The following ZNF418 variants were observed in gnomAD, a reference collection of about 807,000 sequenced individuals.
ZNF418 encodes zinc finger protein 418.
Under a neutral mutation model 32.0 loss-of-function variants are expected in ZNF418, and 32 were observed. The observed-to-expected ratio is 1.00, with a 90% CI of 0.75 to 1.34. The LOEUF (loss-of-function observed/expected upper bound fraction) is 1.34. Ranked by LOEUF, ZNF418 falls within the 40% of genes most tolerant of loss-of-function variation. The pLI is 0.00. For synonymous variants in ZNF418, 276 were observed against 270.7 expected (o/e 1.02, Z -0.19); for missense variants, 804 against 812.5 (o/e 0.99, Z 0.13).
intron 2 of ZNF418, 94 bp downstream of exon 2, chr19:57,933,723 A>G (rs2072573903): frequency 1.3e-6 from 2 of 1,548,396 alleles, no homozygotes; most frequent in East Asian, 4.5e-5. Flanking sequence ...TCCCGCTCAA[A>G]AAAAAAAGGA....
At chr19:57,933,768 G>A in intron 2 of ZNF418, 49 bp downstream of exon 2, 2 of 1,606,198 alleles carry the variant, frequency 1.2e-6, no homozygotes, top group East Asian at 2.2e-5. Flanking sequence ...TGTGAATCTT[G>A]AATCCAGCCA....
rs971290442 is a variant in ZNF418 at position 57,927,889 on chromosome 19, C to G, written c.292G>C (p.Ala98Pro). 6.2e-7 allele frequency: 1 copy of G among 1,613,964 alleles called. No individual in the cohort carries two copies. The highest frequency in any genetic ancestry group is 8.5e-7 in the Non-Finnish European group (1 of 1,180,036). ...TTGTGATGTGTCCCCTGATGATCTGCCAAGTGCAAAATGTCTCCCAAGATC... is the reference window on the plus strand; with the variant it reads ...TTGTGATGTGTCCCCTGATGATCTGGCAAGTGCAAAATGTCTCCCAAGATC... ...GAILGDILHL[A>P]DHQGTHHKQK... The change falls in exon 4 of 6, where the codon GCA becomes CCA. Residue 98 changes from alanine to proline, a missense_variant. This residue lies in a region of ZNF418 where 307 missense variants were observed against 304.9 expected (regional missense o/e 1.01). Transcript: ENST00000396147.
chr19:57,926,382 A>G lies in ZNF418; in HGVS notation c.1799T>C (p.Phe600Ser), dbSNP rs1255406073. The stretch of plus-strand genomic sequence containing the variant: ...TTTAAAATGCGCAGACCTTCGAGTA[A>G]ATGTTTTTCCACATTCCCTGCATTC... ...PYECRECGKT[F>S]TRRSAHFKHQ... Residue 600 changes from phenylalanine to serine, a missense_variant, in exon 4 of 6, where the codon TTT becomes TCT. By Grantham distance (155) the Phe-to-Ser change is radical (BLOSUM62 -2). Around this residue, in one of 3 missense-constraint regions of ZNF418, gnomAD observed 475 missense variants for 458.6 expected, o/e 1.04. Transcript: ENST00000396147. 2 of 1,612,656 alleles carry G rather than the reference A, an allele frequency of 1.2e-6. No individual in the cohort carries two copies. Among genetic ancestry groups the G allele is most frequent in the African/African-American group, 2.7e-5 (2 of 74,848 alleles).
chr19:57,926,136 T>C lies in ZNF418; in HGVS notation c.*14A>G. ...TGCACAGAGGTTTAGCTAAAGAATT[T>C]CCCAAATTTCTTTTCACTTGTAAGG... On this transcript the variant is annotated 3_prime_UTR_variant, in exon 4 of 6. Transcript: ENST00000396147. The C allele has an allele frequency of 6.3e-7, 1 of 1,596,854 alleles. No individual in the cohort carries two copies. The highest frequency in any genetic ancestry group is 8.5e-7 in the Non-Finnish European group (1 of 1,170,568).
intron 3 of ZNF418, among the ~76,000 whole-genome samples, chr19:57,929,541 T>A (rs2072393135): frequency 6.6e-6 from 1 of 152,224 alleles, no homozygotes; most frequent in Admixed American, 6.5e-5. Context: ...CCTGATTAAA[T>A]TGAAATGCTG....
chr19:57,930,509 C>A lies in ZNF418; in HGVS notation c.52G>T (p.Glu18Ter). The stretch of plus-strand genomic sequence containing the variant: ...TGAACCTCACTAAGGAGACTCCACT[C>A]CTCCTGGGAAAAGTTCACAGCCACA... The part of the protein sequence containing the change: ...EDVAVNFSQE[E>*]WSLLSEVQRC... Residue 18 changes from glutamate to a stop codon, truncating the protein, a stop_gained, in exon 3 of 6, where the codon GAG becomes TAG. Transcript: ENST00000396147. LOFTEE classifies it high-confidence loss of function. 5 of 1,614,110 alleles carry A rather than the reference C, an allele frequency of 3.1e-6. No homozygotes were observed. The highest frequency in any genetic ancestry group is 4.2e-6 in the Non-Finnish European group (5 of 1,180,018).
chr19:57,926,643 C>G lies in ZNF418; in HGVS notation c.1538G>C (p.Ser513Thr). ...VHTGEKPFECSECGKSFPQSC... is the reference protein window; with the variant it reads ...VHTGEKPFECTECGKSFPQSC... Reference sequence around the variant, plus strand: ...TTGAGGAAATGACTTCCCACATTCACTACACTCAAACGGTTTTTCTCCAGT... The same window carrying G: ...TTGAGGAAATGACTTCCCACATTCAGTACACTCAAACGGTTTTTCTCCAGT... The change falls in exon 4 of 6, where the codon AGT becomes ACT. Residue 513 changes from serine (S) to threonine (T), a missense_variant. Ser to Thr is a moderately conservative substitution (Grantham distance 58, BLOSUM62 1). Around this residue, in one of 3 missense-constraint regions of ZNF418, gnomAD observed 475 missense variants for 458.6 expected, o/e 1.04. Transcript: ENST00000396147. The G allele has an allele frequency of 6.2e-7, 1 of 1,614,160 alleles. No individual in the cohort carries two copies. The highest frequency in any genetic ancestry group is 8.5e-7 in the Non-Finnish European group (1 of 1,180,036).
At chr19:57,935,120 G>A (rs2072643909) in intron 1 of ZNF418, 41 bp downstream of exon 1, 2 of 1,298,382 alleles carry the variant, frequency 1.5e-6, no homozygotes, top group Middle Eastern at 2.1e-4. Flanking sequence ...CAGGATTCGG[G>A]TTAGGATGAG....
Position 57,926,618 on chromosome 19 carries a change from T to C in ZNF418, c.1563A>G (p.Gln521=). 1 of 1,614,072 alleles carries C rather than the reference T, an allele frequency of 6.2e-7. No homozygotes were observed. The highest frequency in any genetic ancestry group is 8.5e-7 in the Non-Finnish European group (1 of 1,179,994). The change falls in exon 4 of 6, where the codon CAA becomes CAG. Residue 521 remains glutamine, a synonymous_variant. Coordinates refer to ENST00000396147, the MANE Select transcript of ZNF418 (RefSeq NM_133460.3). ...ECSECGKSFP[Q]SCSLLRHRRV... ...TCCGATGTCGAAGGAGGGAACAGCT[T>C]TGAGGAAATGACTTCCCACATTCAC...
rs182518600 is a variant in ZNF418 at position 57,923,668 on chromosome 19, G to T, written c.*528-379C>A. 5.9e-5 allele frequency among the ~76,000 whole-genome samples: 9 copies of T among 151,794 alleles called. No homozygotes were observed. In the South Asian group the frequency reaches 1.7e-3, roughly 28 times the overall value. ...TGGCTCACGGCAAGCTCCACCTCCC[G>T]GGTTCACTCCATTCTCCTGCCTCAG... On this transcript the variant is annotated intron_variant, in intron 4 of 5. Coordinates refer to ENST00000396147, the MANE Select transcript of ZNF418 (RefSeq NM_133460.3).
chr19:57,928,110 C>T (rs895240558), intron 3 of ZNF418, 63 bp from the exon 4 acceptor site: 3 of 1,370,000 alleles, frequency 2.2e-6, no homozygotes, highest in South Asian at 1.4e-5. Flanking sequence ...AGCCCACCCA[C>T]AAGCGTGTCT....
Position 57,925,879 on chromosome 19 carries a change from T to C in ZNF418, c.*271A>G. Reference sequence around the variant, plus strand: ...TCATAAGGCATCTCCTCCAGTGTTATGTTTTACAAGAAATAATATTTCCTG... The same window carrying C: ...TCATAAGGCATCTCCTCCAGTGTTACGTTTTACAAGAAATAATATTTCCTG... On this transcript the variant is annotated 3_prime_UTR_variant, in exon 4 of 6. Coordinates refer to ENST00000396147, the MANE Select transcript of ZNF418 (RefSeq NM_133460.3). 1 of 407,408 alleles carries C rather than the reference T, an allele frequency of 2.5e-6. No homozygotes were observed. Among genetic ancestry groups the C allele is most frequent in the Non-Finnish European group, 4.4e-6 (1 of 228,916 alleles). 25.2% of individuals were successfully genotyped at this position (407,408 alleles called of 1,614,324 possible).
chr19:57,931,920 G>A (rs1004746857), intron 2 of ZNF418, among the ~76,000 whole-genome samples: 3 of 152,218 alleles, frequency 2.0e-5, no homozygotes, highest in African/African-American at 7.2e-5. Flanking sequence ...TGCTCTGAGT[G>A]GGATTCTCCC....
intron 4 of ZNF418, among the ~76,000 whole-genome samples, chr19:57,925,173 G>C: frequency 6.6e-6 from 1 of 152,032 alleles, no homozygotes; most frequent in East Asian, 1.9e-4. Context: ...AGAATCACAT[G>C]AGACCCGCTG....
intron 2 of ZNF418, chr19:57,932,364 T>C: frequency 6.7e-7 from 1 of 1,482,348 alleles, no homozygotes; most frequent in Non-Finnish European, 9.1e-7. Flanking sequence ...TTTTCGGCCT[T>C]ATGCCACAAT....
chr19:57,923,449 TAC>T (rs1013951931), intron 4 of ZNF418, among the ~76,000 whole-genome samples, 160 bp from the exon 5 acceptor site: 1 of 150,804 alleles, frequency 6.6e-6, no homozygotes, highest in Non-Finnish European at 1.5e-5. Context: ...CATACATATA[TAC>T]ACACATATAT....
intron 2 of ZNF418, 45 bp downstream of exon 2, chr19:57,933,772 C>A (rs1300007470): frequency 6.2e-7 from 1 of 1,610,924 alleles, no homozygotes; most frequent in Admixed American, 1.7e-5. Flanking sequence ...AATCTTGAAT[C>A]CAGCCACAGC....
In ZNF418 at chr19:57,926,126, C is replaced by A; in HGVS notation, c.*24G>T. The A allele has an allele frequency of 6.3e-7, 1 of 1,585,328 alleles. No individual in the cohort carries two copies. Among genetic ancestry groups the A allele is most frequent in the Non-Finnish European group, 8.6e-7 (1 of 1,162,412 alleles). On this transcript the variant is annotated 3_prime_UTR_variant, in exon 4 of 6. Coordinates refer to ENST00000396147, the MANE Select transcript of ZNF418 (RefSeq NM_133460.3). Reference sequence around the variant, plus strand: ...ATCAAGAAGATGCACAGAGGTTTAGCTAAAGAATTTCCCAAATTTCTTTTC... The same window carrying A: ...ATCAAGAAGATGCACAGAGGTTTAGATAAAGAATTTCCCAAATTTCTTTTC...
rs777077479 is a variant in ZNF418 at position 57,930,410 on chromosome 19, A to G, written c.133+18T>C. 3 of 1,613,858 alleles carry G rather than the reference A, an allele frequency of 1.9e-6. No homozygotes were observed. The highest frequency in any genetic ancestry group is 2.7e-5 in the African/African-American group (2 of 74,910). On this transcript the variant is annotated intron_variant, in intron 3 of 5. Transcript: ENST00000396147. ...CAGAGATCTATTCAGGAAATAGGGT[A>G]GGGTGTGAGGAACTTACCCAGGGAG...
Sources: allele counts gnomAD v4.1 joint callset (sites outside exome capture counted in the v4.1 genomes callset), GRCh38; gene constraint gnomAD v4.1.1; regional missense constraint gnomAD v4.1.1; transcripts MANE v1.5; gene names NCBI Gene and HGNC (gene_info 2026-07-23, HGNC 2026-07-21).